The following DMD variants were observed in gnomAD, a reference collection of about 807,000 sequenced individuals.
DMD encodes mutant dystrophin.
DMD carries 63 observed loss-of-function variants against 330.1 expected under a neutral mutation model. That is an observed-to-expected ratio of 0.19 (90% CI 0.16 to 0.24). DMD has a LOEUF of 0.24. Ranked by LOEUF, DMD falls within the 10% of genes least tolerant of loss-of-function variation. DMD has a pLI of 1.00. For synonymous variants in DMD, 1,223 were observed against 959.8 expected (o/e 1.27, Z -5.07); for missense variants, 3,344 against 2,684.1 (o/e 1.25, Z -5.43).
intron 60 of DMD, among the ~76,000 whole-genome samples, chrX:31,434,408 CA>C (rs2149022262): frequency 2.7e-5 from 2 of 73,282 alleles, no homozygotes; most frequent in Non-Finnish European, 4.9e-5. Flanking sequence ...ACCCTTACTG[CA>C]GCGCGCGCGC....
intron 44 of DMD, among the ~76,000 whole-genome samples, chrX:32,072,455 G>T (rs933431704): frequency 1.4e-4 from 16 of 110,519 alleles, no homozygotes; most frequent in Non-Finnish European, 2.6e-4. Context: ...TTACAAAAGA[G>T]GTTCCAAAAC....
chrX:31,680,373 CTTTCTTTTTT>C, intron 52 of DMD, among the ~76,000 whole-genome samples: 1 of 109,613 alleles, frequency 9.1e-6, no homozygotes, highest in Middle Eastern at 4.7e-3. Context: ...TCTTCTTTTT[CTTTCTTTTTT>C]TTTTTTGATG....
Position 32,454,828 on chromosome X carries a change from T to C in DMD, c.3437A>G (p.Tyr1146Cys). 1.7e-6 allele frequency: 2 copies of C among 1,206,935 alleles called. No individual in the cohort carries two copies. Among genetic ancestry groups the C allele is most frequent in the Non-Finnish European group, 2.2e-6 (2 of 892,856 alleles). Residue 1146 changes from tyrosine (Y) to cysteine (C), a missense_variant, in exon 26 of 79, where the codon TAT becomes TGT. By Grantham distance (194) the Tyr-to-Cys change is radical. Coordinates refer to ENST00000357033, the MANE Select transcript of DMD (RefSeq NM_004006.3). ...TCCCTTCAAGGCCTCCTTTCTGGCA[T>C]AGACCTTCCACAAAACAAACAAACA... ...TQWDHMCQQV[Y>C]ARKEALKGGL...
intron 53 of DMD, among the ~76,000 whole-genome samples, chrX:31,665,461 T>C (rs776322891): frequency 6.3e-5 from 7 of 111,811 alleles, no homozygotes; most frequent in African/African-American, 1.3e-4. Flanking sequence ...GGATTTATAA[T>C]AGAAATGTTA....
chrX:32,178,829 G>GA (rs775449815), intron 44 of DMD, among the ~76,000 whole-genome samples: 5 of 76,119 alleles, frequency 6.6e-5, no homozygotes, highest in African/African-American at 2.3e-4. Context: ...ATATTCCAGG[G>GA]GGTGTGTGTG....
chrX:31,732,031 T>C (rs889430646), intron 51 of DMD, among the ~76,000 whole-genome samples: 4 of 111,097 alleles, frequency 3.6e-5, no homozygotes, highest in Admixed American at 9.6e-5. Flanking sequence ...TCTCAGGGTA[T>C]TGTGAAACCT....
intron 55 of DMD, among the ~76,000 whole-genome samples, chrX:31,538,036 G>A (rs2073539078): frequency 8.9e-6 from 1 of 112,031 alleles, no homozygotes; most frequent in South Asian, 3.8e-4. Flanking sequence ...GTAGGTTTTG[G>A]CCCCATGCTG....
intron 1 of DMD, among the ~76,000 whole-genome samples, chrX:33,089,415 C>T (rs972918008): frequency 2.7e-5 from 3 of 110,506 alleles, no homozygotes; most frequent in Non-Finnish European, 3.8e-5. Flanking sequence ...ATGATAAACC[C>T]AGGAATTGTG....
rs779987196 is a variant in DMD, at chrX:32,304,501, A to G, written c.6117+5581T>C. ...TAAAATATAAAAGAAAACTGTACCG[A>G]AGCACATATAAATATGAGCTGGGCA... On this transcript the variant is annotated intron_variant, in intron 42 of 78. Coordinates refer to ENST00000357033, the MANE Select transcript of DMD (RefSeq NM_004006.3). Among the ~76,000 whole-genome samples the G allele has an allele frequency of 2.2e-4, 25 of 111,234 alleles. No homozygotes were observed. In the East Asian group the frequency reaches 5.9e-3, roughly 26 times the overall value.
In DMD at chrX:31,177,973, G is replaced by A; in HGVS notation, c.10224-3C>T. ...AGAAGTTGATCAGAGTAACGGGACTGCAAAACAAAAAATGAGGTGGTGAAG... is the reference window on the plus strand; with the variant it reads ...AGAAGTTGATCAGAGTAACGGGACTACAAAACAAAAAATGAGGTGGTGAAG... On this transcript the variant is annotated splice_polypyrimidine_tract_variant and splice_region_variant and intron_variant, in intron 70 of 78. Coordinates refer to ENST00000357033, the MANE Select transcript of DMD (RefSeq NM_004006.3). 1 of 1,205,579 alleles carries A rather than the reference G, an allele frequency of 8.3e-7. No individual in the cohort carries two copies. The highest frequency in any genetic ancestry group is 1.8e-5 in the South Asian group (1 of 56,044).
At chrX:32,487,436 C>T (rs775230946) in intron 20 of DMD, among the ~76,000 whole-genome samples, 65 of 110,463 alleles carry the variant, frequency 5.9e-4, no homozygotes, top group Non-Finnish European at 1.1e-3. Context: ...AACATGAGCC[C>T]ATTAGAAGAA....
chrX:32,357,660 TACACAC>T (rs3044986), intron 37 of DMD, among the ~76,000 whole-genome samples: 2,764 of 94,336 alleles, frequency 0.029, 77 homozygotes, highest in African/African-American at 0.085. Flanking sequence ...CATACACAGA[TACACAC>T]ACACACACAC....
intron 43 of DMD, among the ~76,000 whole-genome samples, chrX:32,247,593 A>C (rs1275358274): frequency 9.0e-6 from 1 of 111,076 alleles, no homozygotes; most frequent in Non-Finnish European, 1.9e-5. Flanking sequence ...TTTCTCCTAA[A>C]CTTTCCATTA....
intron 44 of DMD, among the ~76,000 whole-genome samples, chrX:32,077,153 C>T (rs141018340): frequency 3.7e-3 from 412 of 110,843 alleles, no homozygotes; most frequent in Non-Finnish European, 5.7e-3. Context: ...GGGGGTAGCA[C>T]GGAGAGACTG....
chrX:31,942,333 A>T (rs1429034762), intron 45 of DMD, among the ~76,000 whole-genome samples: 1 of 111,842 alleles, frequency 8.9e-6, no homozygotes, highest in Non-Finnish European at 1.9e-5. Flanking sequence ...GATCTTTCTA[A>T]AATATGTTGC....
intron 59 of DMD, among the ~76,000 whole-genome samples, chrX:31,471,971 A>C (rs2067333965): frequency 8.9e-6 from 1 of 112,309 alleles, no homozygotes; most frequent in Non-Finnish European, 1.9e-5. Context: ...TGGTTACTCC[A>C]AATAACAGGA....
intron 2 of DMD, among the ~76,000 whole-genome samples, chrX:32,893,318 C>T (rs1361431016): frequency 1.8e-5 from 2 of 111,752 alleles, no homozygotes; most frequent in East Asian, 5.6e-4. Context: ...CACAAAAGCC[C>T]GTATTTAGAG....
chrX:32,826,856 C>T (rs1022877065), intron 4 of DMD, among the ~76,000 whole-genome samples: 4 of 110,340 alleles, frequency 3.6e-5, no homozygotes, highest in African/African-American at 1.3e-4. Context: ...TCCTCAACCC[C>T]AAATGATAAA....
chrX:31,999,010 G>A (rs934229209), intron 44 of DMD, among the ~76,000 whole-genome samples: 4 of 110,956 alleles, frequency 3.6e-5, no homozygotes, highest in South Asian at 3.7e-4. Context: ...AATAACTAGC[G>A]GATACTTTTT....
Sources: allele counts gnomAD v4.1 joint callset (sites outside exome capture counted in the v4.1 genomes callset), GRCh38; gene constraint gnomAD v4.1.1; transcripts MANE v1.5; gene names NCBI Gene and HGNC (gene_info 2026-07-23, HGNC 2026-07-21).